MYO9A: variants seen among roughly 807,000 people sequenced by gnomAD.
MYO9A encodes unconventional myosin-IXa.
MYO9A carries 103 observed loss-of-function variants against 293.3 expected under a neutral mutation model. The ratio of observed to expected loss-of-function variants is 0.35; its 90% CI spans 0.30 to 0.41. The LOEUF (loss-of-function observed/expected upper bound fraction) is 0.41, where lower values mean the gene tolerates loss of function less well. Among genes scored for constraint, MYO9A ranks in the 10% least tolerant of loss-of-function variants. The pLI, the probability that MYO9A is intolerant of heterozygous loss-of-function variation, is 1.00. For synonymous variants in MYO9A, 1,001 were observed against 1,035.7 expected, an observed-to-expected ratio of 0.97 and a Z score of 0.64; for missense variants, 2,685 against 3,033.0, an observed-to-expected ratio of 0.89 and a Z score of 2.69.
chr15:72,077,578 G>A (rs986446845), intron 1 of MYO9A, among the ~76,000 whole-genome samples: 2 of 151,294 alleles, frequency 1.3e-5, no homozygotes, highest in African/African-American at 4.9e-5. Flanking sequence ...TATAATTCTA[G>A]CTACTCAGGA....
chr15:72,072,138 CTTTTT>C (rs1290495009), intron 1 of MYO9A, among the ~76,000 whole-genome samples: 1 of 142,714 alleles, frequency 7.0e-6, no homozygotes, highest in Non-Finnish European at 1.5e-5. Flanking sequence ...CATTCTTTTT[CTTTTT>C]TTTTTGGAGA....
chr15:71,889,069 A>T (rs1213675664), intron 26 of MYO9A, among the ~76,000 whole-genome samples: 1 of 152,188 alleles, frequency 6.6e-6, no homozygotes, highest in African/African-American at 2.4e-5. Flanking sequence ...GACAGACTCT[A>T]AGTGGAACAC....
intron 1 of MYO9A, among the ~76,000 whole-genome samples, chr15:72,088,391 C>T (rs1298706024): frequency 2.0e-5 from 3 of 152,202 alleles, no homozygotes; most frequent in Non-Finnish European, 4.4e-5. Context: ...CCTACTTTGC[C>T]TTTCTTTTTC....
chr15:71,885,251 A>C (rs2056985916), intron 27 of MYO9A, among the ~76,000 whole-genome samples: 1 of 152,132 alleles, frequency 6.6e-6, no homozygotes, highest in African/African-American at 2.4e-5. Context: ...CTGTAATTTT[A>C]GTTAGATCAA....
chr15:72,103,882 G>T (rs571196521), intron 1 of MYO9A, among the ~76,000 whole-genome samples: 1 of 152,324 alleles, frequency 6.6e-6, no homozygotes, highest in African/African-American at 2.4e-5. Flanking sequence ...ATGTTGACAA[G>T]GATGGTGAGG....
In MYO9A at chr15:72,094,208, A is replaced by G. The variant is rs550151421; in HGVS notation, c.-72+23472T>C. Among the ~76,000 whole-genome samples, 40 of 88,678 alleles carry G rather than the reference A, an allele frequency of 4.5e-4. 4 individuals are homozygous for G. The highest frequency in any genetic ancestry group is 1.0e-3 in the African/African-American group (39 of 38,162). The allele number at this position is 88,678 out of a possible 152,430, so 58.2% of individuals were successfully genotyped here. ...TGGGAAACAGAGCAAGAACTTGTCA[A>G]AAGAAGAAAGAAGAAAGAGGAAGGA... On this transcript the variant is annotated intron_variant, in intron 1 of 41. Coordinates refer to ENST00000356056, the MANE Select transcript of MYO9A (RefSeq NM_006901.4).
intron 1 of MYO9A, among the ~76,000 whole-genome samples, chr15:72,099,676 T>G (rs1321148664): frequency 6.7e-6 from 1 of 149,942 alleles, no homozygotes; most frequent in Non-Finnish European, 1.5e-5. Flanking sequence ...GCTGAGCGGG[T>G]GGATCACCTG....
intron 1 of MYO9A, among the ~76,000 whole-genome samples, chr15:72,093,457 G>A (rs1187483621): frequency 6.6e-6 from 1 of 152,238 alleles, no homozygotes; most frequent in East Asian, 1.9e-4. Flanking sequence ...GATCACCTGA[G>A]CCCAAGGGAA....
chr15:71,993,474 T>C (rs1314817962), intron 10 of MYO9A, among the ~76,000 whole-genome samples: 1 of 151,792 alleles, frequency 6.6e-6, no homozygotes, highest in Non-Finnish European at 1.5e-5. Context: ...AGCGAAAACA[T>C]GAGGTGATGC....
intron 4 of MYO9A, among the ~76,000 whole-genome samples, chr15:72,022,819 G>A (rs1256824358): frequency 6.6e-6 from 1 of 151,800 alleles, no homozygotes; most frequent in African/African-American, 2.4e-5. Flanking sequence ...CAAAGTGCTG[G>A]GATTACAAGC....
intron 38 of MYO9A, 101 bp downstream of exon 38, chr15:71,849,935 C>G: frequency 1.1e-6 from 1 of 944,220 alleles, no homozygotes; most frequent in Non-Finnish European, 1.5e-6. Flanking sequence ...TTAAAAACAC[C>G]TGAATTTATG....
chr15:71,951,145 C>T (rs1188631948), intron 15 of MYO9A, among the ~76,000 whole-genome samples: 1 of 152,142 alleles, frequency 6.6e-6, no homozygotes, highest in African/African-American at 2.4e-5. Flanking sequence ...GGTGGTTTTG[C>T]TCTAAACCAG....
chr15:72,108,101 T>A (rs2080639060), intron 1 of MYO9A, among the ~76,000 whole-genome samples: 1 of 152,172 alleles, frequency 6.6e-6, no homozygotes, highest in Admixed American at 6.5e-5. Context: ...ATGCTAAAAT[T>A]ATTAGAGAAA....
intron 40 of MYO9A, 21 bp downstream of exon 40, chr15:71,830,088 C>T (rs1354572519): frequency 2.5e-6 from 4 of 1,608,616 alleles, no homozygotes; most frequent in Non-Finnish European, 3.4e-6. Flanking sequence ...ACTGTCTCTC[C>T]CCTTCCTCCT....
At chr15:72,101,147 C>A (rs1263126311) in intron 1 of MYO9A, among the ~76,000 whole-genome samples, 6 of 142,028 alleles carry the variant, frequency 4.2e-5, no homozygotes, top group Non-Finnish European at 4.6e-5. Context: ...GGCCAGCCGC[C>A]CCGTCTGGGA....
At chr15:71,889,658 T>C (rs2057122391) in intron 26 of MYO9A, 2 of 151,850 alleles carry the variant, frequency 1.3e-5, no homozygotes, top group Admixed American at 1.3e-4. Context: ...AATTGAAAAG[T>C]TAGATGAAAT....
In MYO9A at chr15:71,850,765, C is replaced by CAAAA. The variant is rs780727961; in HGVS notation, c.6581+484_6581+487dup. On this transcript the variant is annotated intron_variant, in intron 37 of 41. Transcript: ENST00000356056. Reference sequence around the variant, plus strand: ...TGGGTGACAGACTGAAACTGTGTCTCAAAAAAAAAAAAAAAAAAAAAAAAA... The same window carrying CAAAA: ...TGGGTGACAGACTGAAACTGTGTCTCAAAAAAAAAAAAAAAAAAAAAAAAAAAAA... Among the ~76,000 whole-genome samples, 41 of 44,120 alleles carry CAAAA rather than the reference C, an allele frequency of 9.3e-4. 9 individuals carry two copies. Among genetic ancestry groups the CAAAA allele is most frequent in the African/African-American group, 1.1e-3 (11 of 10,002 alleles). 28.9% of individuals were successfully genotyped at this position (44,120 alleles called of 152,430 possible).
At chr15:72,077,149 T>C (rs941863055) in intron 1 of MYO9A, among the ~76,000 whole-genome samples, 2 of 151,922 alleles carry the variant, frequency 1.3e-5, no homozygotes, top group African/African-American at 2.4e-5. Context: ...TGGGGGAAAA[T>C]CTTGGTAAAC....
chr15:72,008,436 GGTGTGT>G (rs57267628), intron 7 of MYO9A, among the ~76,000 whole-genome samples: 2,663 of 138,818 alleles, frequency 0.019, 46 homozygotes, highest in African/African-American at 0.051. Context: ...GAGGTAAATG[GGTGTGT>G]GTGTGTGTGT....
Sources: gnomAD v4.1 joint callset for allele counts (sites outside exome capture counted in the v4.1 genomes callset) on GRCh38, gnomAD v4.1.1 for gene constraint, MANE v1.5 for transcripts, NCBI Gene and HGNC (gene_info 2026-07-23, HGNC 2026-07-21) for gene names.